The following RIMS1 variants were observed in gnomAD, a reference collection of about 807,000 sequenced individuals.
RIMS1 encodes regulating synaptic membrane exocytosis protein 1.
RIMS1 carries 83 observed loss-of-function variants against 214.1 expected under a neutral mutation model. The ratio of observed to expected loss-of-function variants is 0.39; its 90% confidence interval spans 0.32 to 0.47. The LOEUF (loss-of-function observed/expected upper bound fraction) is 0.47. RIMS1 is among the 20% of genes least tolerant of loss of function. RIMS1 has a pLI of 0.99. For missense variants in RIMS1, 2,050 were observed against 2,161.8 expected (o/e 0.95, Z 1.03); for synonymous variants, 793 against 786.8 (o/e 1.01, Z -0.13).
chr6:71,909,568 TTTAA>T (rs1005460555), intron 1 of RIMS1, among the ~76,000 whole-genome samples: 2 of 152,166 alleles, frequency 1.3e-5, no homozygotes, highest in Non-Finnish European at 2.9e-5. Flanking sequence ...TTTTATTCAT[TTTAA>T]TTAATTAATT....
intron 2 of RIMS1, among the ~76,000 whole-genome samples, chr6:72,024,846 T>G (rs1307683084): frequency 1.3e-5 from 2 of 150,180 alleles, no homozygotes; most frequent in East Asian, 3.9e-4. Context: ...AATAATATAT[T>G]AAATAATATA....
chr6:72,339,876 G>T (rs529226081), intron 29 of RIMS1, among the ~76,000 whole-genome samples: 1 of 151,980 alleles, frequency 6.6e-6, no homozygotes, highest in Admixed American at 6.6e-5. Flanking sequence ...TTCCACAATG[G>T]TTGAACTAGT....
At chr6:72,202,368 G>A (rs2052146201) in intron 6 of RIMS1, among the ~76,000 whole-genome samples, 1 of 152,254 alleles carries the variant, frequency 6.6e-6, no homozygotes, top group East Asian at 1.9e-4. Context: ...TTTCTCCCTG[G>A]TTTATGGATG....
chr6:72,345,827 T>G (rs1326340674), intron 29 of RIMS1, among the ~76,000 whole-genome samples: 2 of 151,694 alleles, frequency 1.3e-5, no homozygotes, highest in Non-Finnish European at 3.0e-5. Context: ...ATATTAGAGA[T>G]AAGGTTACGT....
chr6:72,350,404 G>T (rs1323420277), intron 29 of RIMS1, among the ~76,000 whole-genome samples: 1 of 152,038 alleles, frequency 6.6e-6, no homozygotes, highest in East Asian at 1.9e-4. Context: ...GAGTTCTGTT[G>T]TCTCCTTTCT....
intron 29 of RIMS1, among the ~76,000 whole-genome samples, chr6:72,359,428 T>C (rs766020950): frequency 6.6e-6 from 1 of 152,108 alleles, no homozygotes; most frequent in Non-Finnish European, 1.5e-5. Context: ...CACTTCAAGA[T>C]AGAATCGCTC....
intron 2 of RIMS1, among the ~76,000 whole-genome samples, chr6:72,092,998 A>G (rs1166053711): frequency 6.6e-6 from 1 of 152,120 alleles, no homozygotes; most frequent in Non-Finnish European, 1.5e-5. Flanking sequence ...ATTTGATGAG[A>G]CAGAACTGAA....
chr6:72,202,098 G>A (rs2052093427), intron 6 of RIMS1, among the ~76,000 whole-genome samples: 1 of 152,158 alleles, frequency 6.6e-6, no homozygotes, highest in African/African-American at 2.4e-5. Context: ...GTGCAATTGT[G>A]TCTTTTTTAA....
At chr6:72,179,952 T>C in intron 5 of RIMS1, 37 bp downstream of exon 5, 1 of 1,353,044 alleles carries the variant, frequency 7.4e-7, no homozygotes, top group Non-Finnish European at 9.7e-7. Context: ...AAAGGCAAGA[T>C]TTTGCTAGGA....
At chr6:72,027,950 T>C (rs1012385116) in intron 2 of RIMS1, among the ~76,000 whole-genome samples, 2 of 152,176 alleles carry the variant, frequency 1.3e-5, no homozygotes, top group Admixed American at 1.3e-4. Flanking sequence ...CCGTTTTCAT[T>C]TCCATGTATA....
chr6:72,182,557 T>G lies in RIMS1; in HGVS notation c.1086T>G (p.Ala362=). The G allele has an allele frequency of 4.5e-6, 7 of 1,551,194 alleles. No individual in the cohort carries two copies. Among genetic ancestry groups the G allele is most frequent in the Non-Finnish European group, 6.1e-6 (7 of 1,148,072 alleles). Residue 362 remains alanine, a synonymous_variant, in exon 6 of 34, where the codon GCT becomes GCG. Coordinates refer to ENST00000521978, the MANE Select transcript of RIMS1 (RefSeq NM_014989.7). ...GGTACCGCAGCGACCCGAACCTAGCTCGGTACCCGGTGAAACCGCCGCCTG... is the reference window on the plus strand; with the variant it reads ...GGTACCGCAGCGACCCGAACCTAGCGCGGTACCCGGTGAAACCGCCGCCTG... ...QTRYRSDPNL[A]RYPVKPPPEE...
At chr6:72,373,090 TTTAAC>T (rs2098269606) in intron 29 of RIMS1, among the ~76,000 whole-genome samples, 1 of 152,192 alleles carries the variant, frequency 6.6e-6, no homozygotes, top group Non-Finnish European at 1.5e-5. Flanking sequence ...AGGCTAAGGG[TTTAAC>T]CTTACTGCAC....
intron 4 of RIMS1, among the ~76,000 whole-genome samples, chr6:72,113,746 A>G (rs2036548822): frequency 6.6e-6 from 1 of 152,104 alleles, no homozygotes; most frequent in African/African-American, 2.4e-5. Flanking sequence ...CTGATCACCA[A>G]TTAGTGAAAT....
At chr6:71,975,430 G>A (rs370330742) in intron 2 of RIMS1, among the ~76,000 whole-genome samples, 72 of 152,224 alleles carry the variant, frequency 4.7e-4, no homozygotes, top group African/African-American at 1.7e-3. Context: ...TGATAGCCAA[G>A]GAAAAACTAT....
intron 2 of RIMS1, among the ~76,000 whole-genome samples, chr6:72,002,985 A>G (rs1390002533): frequency 6.6e-6 from 1 of 152,196 alleles, no homozygotes; most frequent in East Asian, 1.9e-4. Flanking sequence ...GTGGGGTCAC[A>G]GGTATGCTTT....
chr6:71,931,293 A>G (rs1221938806), intron 1 of RIMS1, among the ~76,000 whole-genome samples: 2 of 152,062 alleles, frequency 1.3e-5, no homozygotes, highest in Non-Finnish European at 2.9e-5. Flanking sequence ...AGAGAACAGC[A>G]AGAAAATCTG....
intron 2 of RIMS1, among the ~76,000 whole-genome samples, chr6:72,080,804 A>G (rs1261181710): frequency 1.3e-5 from 2 of 152,152 alleles, no homozygotes; most frequent in African/African-American, 2.4e-5. Flanking sequence ...TCTTTGCTCA[A>G]ATTTCACCTT....
At chr6:72,087,045 T>C (rs1175437390) in intron 2 of RIMS1, among the ~76,000 whole-genome samples, 2 of 152,222 alleles carry the variant, frequency 1.3e-5, no homozygotes, top group African/African-American at 2.4e-5. Flanking sequence ...ATATGTACCT[T>C]GTATCTCAGT....
intron 27 of RIMS1, among the ~76,000 whole-genome samples, chr6:72,309,390 G>T (rs531875772): frequency 1.3e-5 from 2 of 152,198 alleles, no homozygotes; most frequent in South Asian, 4.1e-4. Context: ...CAGAATGAAA[G>T]AGGTAATTAA....
Sources: allele counts gnomAD v4.1 joint callset (sites outside exome capture counted in the v4.1 genomes callset), GRCh38; gene constraint gnomAD v4.1.1; transcripts MANE v1.5; gene names NCBI Gene and HGNC (gene_info 2026-07-23, HGNC 2026-07-21).